The following KDELR2 variants were observed in gnomAD, a reference collection of about 807,000 sequenced individuals.
KDELR2 encodes KDEL endoplasmic reticulum protein retention receptor 2.
In KDELR2, 15 loss-of-function variants were observed where a neutral mutation model predicts 23.9. The ratio of observed to expected loss-of-function variants is 0.63; its 90% CI spans 0.42 to 0.97. The LOEUF (loss-of-function observed/expected upper bound fraction) is 0.97, where lower values mean the gene tolerates loss of function less well. Among genes scored for constraint, KDELR2 ranks in the 50% least tolerant of loss-of-function variants. The probability of loss-of-function intolerance (pLI) is 0.00; values close to 1 mark genes in which losing one functional copy is unlikely to be tolerated. For synonymous variants in KDELR2, 119 were observed against 106.2 expected, an observed-to-expected ratio of 1.12 and a Z score of -0.74; for missense variants, 272 against 254.6, an observed-to-expected ratio of 1.07 and a Z score of -0.46.
intron 1 of KDELR2, among the ~76,000 whole-genome samples, chr7:6,479,466 CT>C (rs953745918): frequency 2.2e-4 from 34 of 151,520 alleles, no homozygotes; most frequent in Non-Finnish European, 4.0e-4. Flanking sequence ...AGAACAAAAA[CT>C]TTTTTTTTGT....
intron 4 of KDELR2, among the ~76,000 whole-genome samples, chr7:6,463,452 C>T (rs1562497643): frequency 1.3e-5 from 2 of 151,994 alleles, no homozygotes; most frequent in Admixed American, 1.3e-4. Flanking sequence ...ACATAAAGGC[C>T]GGATGCAGTG....
chr7:6,468,365 T>G (rs1172483191), intron 3 of KDELR2, among the ~76,000 whole-genome samples: 3 of 152,230 alleles, frequency 2.0e-5, no homozygotes, highest in Non-Finnish European at 4.4e-5. Context: ...AGTCTTGCTC[T>G]GTCGCTAAGG....
At chr7:6,483,829 G>C in intron 1 of KDELR2, 138 bp downstream of exon 1, 1 of 579,570 alleles carries the variant, frequency 1.7e-6, no homozygotes, top group Non-Finnish European at 2.4e-6. Context: ...CCCGGGTCCG[G>C]GCACCCGTTA....
chr7:6,472,867 C>G (rs1428626689), intron 2 of KDELR2, among the ~76,000 whole-genome samples: 1 of 150,292 alleles, frequency 6.7e-6, no homozygotes, highest in Non-Finnish European at 1.5e-5. Flanking sequence ...AGAAATCAGA[C>G]TCCTATTACA....
intron 3 of KDELR2, among the ~76,000 whole-genome samples, chr7:6,468,673 T>G (rs1158128054): frequency 6.6e-6 from 1 of 151,638 alleles, no homozygotes; most frequent in Non-Finnish European, 1.5e-5. Flanking sequence ...GCCCAGCTAG[T>G]TTTTTGTATT....
intron 1 of KDELR2, among the ~76,000 whole-genome samples, chr7:6,481,919 C>G: frequency 6.6e-6 from 1 of 152,180 alleles, no homozygotes; most frequent in East Asian, 1.9e-4. Flanking sequence ...CCCTAAGACT[C>G]AGATCCCACC....
intron 1 of KDELR2, among the ~76,000 whole-genome samples, chr7:6,483,454 G>T (rs1258177804): frequency 3.3e-5 from 5 of 152,202 alleles, no homozygotes; most frequent in Non-Finnish European, 2.9e-5. Flanking sequence ...CGGGCAGGGT[G>T]GGGAGCCGAG....
chr7:6,477,791 A>C (rs944797302), intron 1 of KDELR2, among the ~76,000 whole-genome samples: 1 of 152,228 alleles, frequency 6.6e-6, no homozygotes, highest in Non-Finnish European at 1.5e-5. Flanking sequence ...ATATATTACA[A>C]AATAGTTAGA....
intron 1 of KDELR2, among the ~76,000 whole-genome samples, chr7:6,477,219 G>A (rs796301993): frequency 2.3e-4 from 35 of 151,414 alleles, no homozygotes; most frequent in African/African-American, 8.4e-4. Flanking sequence ...TAGCGTCCAC[G>A]CAGGACAGCC....
chr7:6,464,468 G>A (rs1225019969), intron 4 of KDELR2, among the ~76,000 whole-genome samples: 1 of 151,576 alleles, frequency 6.6e-6, no homozygotes, highest in Non-Finnish European at 1.5e-5. Context: ...GCAGTGAGCC[G>A]AGATTGCGCC....
At chr7:6,472,854 G>C (rs531797269) in intron 2 of KDELR2, among the ~76,000 whole-genome samples, 19 of 149,416 alleles carry the variant, frequency 1.3e-4, no homozygotes, top group Admixed American at 2.7e-4. Flanking sequence ...AGGAAAGAAA[G>C]AAAGAAATCA....
chr7:6,475,372 G>A (rs1785731110), intron 1 of KDELR2, among the ~76,000 whole-genome samples: 1 of 152,166 alleles, frequency 6.6e-6, no homozygotes, highest in African/African-American at 2.4e-5. Context: ...GGCTGAGTGA[G>A]CTGTGGTCAC....
At chr7:6,467,438 G>A (rs1785526018) in intron 3 of KDELR2, among the ~76,000 whole-genome samples, 1 of 152,134 alleles carries the variant, frequency 6.6e-6, no homozygotes, top group Non-Finnish European at 1.5e-5. Context: ...ATGATAGAAG[G>A]ACTTTCAGAG....
rs1785416902 is a variant in KDELR2 at position 6,462,858 on chromosome 7, G to A, written c.*283C>T. Reference sequence around the variant, plus strand: ...ATTCCTCACAAAATCTTCACTTTTGGAACTATCCCAATTGAAGCTACACAC... The same window carrying A: ...ATTCCTCACAAAATCTTCACTTTTGAAACTATCCCAATTGAAGCTACACAC... On this transcript the variant is annotated 3_prime_UTR_variant, in exon 5 of 5. Transcript: ENST00000258739. 4.2e-6 allele frequency: 4 copies of A among 961,240 alleles called. No individual in the cohort carries two copies. The highest frequency in any genetic ancestry group is 4.4e-6 in the Non-Finnish European group (3 of 674,600). 59.5% of individuals were successfully genotyped at this position (961,240 alleles called of 1,614,324 possible).
intron 4 of KDELR2, among the ~76,000 whole-genome samples, chr7:6,463,622 C>G (rs374541727): frequency 2.6e-4 from 39 of 151,926 alleles, no homozygotes; most frequent in Non-Finnish European, 4.1e-4. Context: ...CACCTGTAGT[C>G]CCAGCTACTC....
intron 1 of KDELR2, among the ~76,000 whole-genome samples, chr7:6,478,921 TG>T (rs1409819931): frequency 6.6e-6 from 1 of 151,990 alleles, no homozygotes; most frequent in East Asian, 1.9e-4. Context: ...CCCTAGTGGC[TG>T]GGACTACAGG....
intron 1 of KDELR2, among the ~76,000 whole-genome samples, chr7:6,474,874 T>C (rs1181310107): frequency 6.6e-6 from 1 of 152,178 alleles, no homozygotes; most frequent in Non-Finnish European, 1.5e-5. Flanking sequence ...CACACTGGTC[T>C]TGAACTCCTG....
chr7:6,468,983 A>G (rs1374861924), intron 3 of KDELR2, among the ~76,000 whole-genome samples: 2 of 141,700 alleles, frequency 1.4e-5, no homozygotes, highest in Non-Finnish European at 3.1e-5. Context: ...ACGGAGTCTT[A>G]CTCTCTCGCC....
intron 2 of KDELR2, among the ~76,000 whole-genome samples, chr7:6,473,890 A>G (rs1228357702): frequency 6.6e-6 from 1 of 152,210 alleles, no homozygotes; most frequent in East Asian, 1.9e-4. Context: ...TCTTACTTAC[A>G]GAGTTATCAA....
Sources: allele counts gnomAD v4.1 joint callset (sites outside exome capture counted in the v4.1 genomes callset), GRCh38; gene constraint gnomAD v4.1.1; transcripts MANE v1.5; gene names NCBI Gene and HGNC (gene_info 2026-07-23, HGNC 2026-07-21).